TXLNB: variants seen among roughly 807,000 people sequenced by gnomAD.
TXLNB encodes beta-taxilin.
TXLNB carries 37 observed loss-of-function variants against 57.4 expected under a neutral mutation model. That is an observed-to-expected ratio of 0.64 (90% CI 0.50 to 0.85). The LOEUF is 0.85. TXLNB is among the 40% of genes least tolerant of loss of function. The pLI is 0.00. For synonymous variants in TXLNB, 302 were observed against 309.6 expected (o/e 0.98, Z 0.26); for missense variants, 848 against 825.6 (o/e 1.03, Z -0.33).
chr6:139,236,018 TGAC>T (rs1775832636), downstream of TXLNB, among the ~76,000 whole-genome samples: 1 of 152,180 alleles, frequency 6.6e-6, no homozygotes, highest in African/African-American at 2.4e-5. Flanking sequence ...CTGGGCAGCC[TGAC>T]TCCAGGGGAA....
chr6:139,268,019 C>T (rs565664605), intron 4 of TXLNB, among the ~76,000 whole-genome samples: 5 of 151,980 alleles, frequency 3.3e-5, no homozygotes, highest in African/African-American at 4.8e-5. Context: ...GGCATGGTGG[C>T]GGGTGCCTGT....
In TXLNB at chr6:139,240,540, C is replaced by G. The variant is rs924689078; in HGVS notation, c.*1986G>C. 3 of 152,660 alleles carry G rather than the reference C, an allele frequency of 2.0e-5. No individual in the cohort carries two copies. Among genetic ancestry groups the G allele is most frequent in the African/African-American group, 7.2e-5 (3 of 41,460 alleles). The allele number at this position is 152,660 out of a possible 1,614,324, so 9.5% of individuals were successfully genotyped here. A position where few individuals can be genotyped will look rare whatever the true frequency, so the allele number is the denominator to read the frequency against. On this transcript the variant is annotated 3_prime_UTR_variant, in exon 10 of 10. Coordinates refer to ENST00000358430, the MANE Select transcript of TXLNB (RefSeq NM_153235.4). Reference sequence around the variant, plus strand: ...TAATCTTACTCCATTCTTGGACGTTCTGCCTCTGCAGTGGGGAAGGAGACC... The same window carrying G: ...TAATCTTACTCCATTCTTGGACGTTGTGCCTCTGCAGTGGGGAAGGAGACC...
At chr6:139,244,534 C>A in intron 9 of TXLNB, 61 bp downstream of exon 9, 1 of 1,129,634 alleles carries the variant, frequency 8.9e-7, no homozygotes, top group Non-Finnish European at 1.3e-6. Context: ...ATAATTGTAT[C>A]GTAAGTTTGA....
intron 3 of TXLNB, 111 bp from the exon 4 acceptor site, chr6:139,270,737 G>T: frequency 1.1e-6 from 1 of 915,984 alleles, no homozygotes; most frequent in South Asian, 1.5e-5. Context: ...AACATTTTTT[G>T]CTATTATCTC....
At chr6:139,275,670 A>G (rs540837111) in intron 3 of TXLNB, among the ~76,000 whole-genome samples, 16 of 152,260 alleles carry the variant, frequency 1.1e-4, no homozygotes, top group Non-Finnish European at 2.1e-4. Context: ...GAACAGAAAG[A>G]TTACAGGACT....
chr6:139,166,347 A>G, the TXLNB span: 2 of 1,613,992 alleles, frequency 1.2e-6, no homozygotes, highest in Non-Finnish European at 1.7e-6. Flanking sequence ...GAGAAGGACG[A>G]CTACCAGAAG....
chr6:139,268,261 G>A (rs190170202), intron 4 of TXLNB, among the ~76,000 whole-genome samples: 1 of 151,140 alleles, frequency 6.6e-6, no homozygotes, highest in Non-Finnish European at 1.5e-5. Context: ...TAATATTAAT[G>A]CTTCAAAGTA....
chr6:139,244,217 T>C (rs1776020697), intron 9 of TXLNB, among the ~76,000 whole-genome samples: 1 of 152,242 alleles, frequency 6.6e-6, no homozygotes, highest in Non-Finnish European at 1.5e-5. Context: ...TCGCAGTATG[T>C]TCAAATCAAC....
the TXLNB span, among the ~76,000 whole-genome samples, chr6:139,211,686 T>C: frequency 1.3e-5 from 2 of 151,978 alleles, no homozygotes; most frequent in East Asian, 3.9e-4. Flanking sequence ...CACTCCAAGC[T>C]AAAGGAGGAA....
the TXLNB span, among the ~76,000 whole-genome samples, chr6:139,187,043 T>C: frequency 1.3e-5 from 2 of 152,220 alleles, no homozygotes; most frequent in Non-Finnish European, 2.9e-5. Flanking sequence ...ATTGTAGTGA[T>C]GGTTTCCCAG....
At chr6:139,225,763 T>C in the TXLNB span, among the ~76,000 whole-genome samples, 1 of 152,154 alleles carries the variant, frequency 6.6e-6, no homozygotes, top group African/African-American at 2.4e-5. Flanking sequence ...GATTTATACA[T>C]TAAATTCAAT....
downstream of TXLNB, chr6:139,237,507 T>TAAAAA (rs58158274): frequency 5.8e-4 from 45 of 76,946 alleles, no homozygotes; most frequent in Middle Eastern, 0.01. Context: ...AGACTCCATC[T>TAAAAA]AAAAAAAAAA....
chr6:139,193,804 C>T, the TXLNB span, among the ~76,000 whole-genome samples: 2 of 146,354 alleles, frequency 1.4e-5, no homozygotes, highest in African/African-American at 5.0e-5. Flanking sequence ...CAGGTGCACA[C>T]CACCATGCCT....
In TXLNB at chr6:139,242,568, C is replaced by T; in HGVS notation, c.2013G>A (p.Gln671=). Residue 671 remains glutamine, a synonymous_variant, in exon 10 of 10, where the codon CAG becomes CAA. Transcript: ENST00000358430. ...GATTGGTGTCAGCCACGTTGCGCGG[C>T]TGGGGCCCAGCTGAGGCCCCTACTG... ...ELPVGASAGP[Q]PRNVADTNLE... 1.3e-6 allele frequency: 2 copies of T among 1,519,210 alleles called. No individual in the cohort carries two copies. Among genetic ancestry groups the T allele is most frequent in the Non-Finnish European group, 1.8e-6 (2 of 1,136,616 alleles). The allele number at this position is 1,519,210 out of a possible 1,614,324, so 94.1% of individuals were successfully genotyped here.
At chr6:139,220,982 G>T in the TXLNB span, among the ~76,000 whole-genome samples, 845 of 152,330 alleles carry the variant, frequency 5.5e-3, 7 homozygotes, top group African/African-American at 0.019. Flanking sequence ...ATCAGTTGTT[G>T]CAGGGTAACC....
chr6:139,192,182 A>G, the TXLNB span, among the ~76,000 whole-genome samples: 1 of 152,194 alleles, frequency 6.6e-6, no homozygotes, highest in Non-Finnish European at 1.5e-5. Context: ...TATTCAACCA[A>G]TTAACAATTT....
chr6:139,259,946 G>C (rs896609130), intron 6 of TXLNB, among the ~76,000 whole-genome samples: 2 of 152,196 alleles, frequency 1.3e-5, no homozygotes, highest in African/African-American at 4.8e-5. Context: ...CTTGCGTCCA[G>C]GCGCGATGGT....
chr6:139,257,302 C>G (rs1460983435), intron 6 of TXLNB, among the ~76,000 whole-genome samples: 1 of 152,084 alleles, frequency 6.6e-6, no homozygotes, highest in African/African-American at 2.4e-5. Flanking sequence ...TCTTTTATAG[C>G]TACTCATATC....
chr6:139,189,590 G>C, the TXLNB span, among the ~76,000 whole-genome samples: 1 of 152,140 alleles, frequency 6.6e-6, no homozygotes, highest in Non-Finnish European at 1.5e-5. Context: ...AATAAATGGA[G>C]TTCTCAACTT....
Sources: allele counts gnomAD v4.1 joint callset (sites outside exome capture counted in the v4.1 genomes callset), GRCh38; gene constraint gnomAD v4.1.1; transcripts MANE v1.5; gene names NCBI Gene and HGNC (gene_info 2026-07-23, HGNC 2026-07-21).